ANKS1B: variants seen among roughly 807,000 people sequenced by gnomAD.
The protein encoded by ANKS1B is ankyrin repeat and sterile alpha motif domain-containing protein 1B.
In ANKS1B, 36 loss-of-function variants were observed where a neutral mutation model predicts 148.3. That is an observed-to-expected ratio of 0.24 (90% CI 0.19 to 0.32). ANKS1B has a LOEUF of 0.32. Ranked by LOEUF, ANKS1B falls within the 10% of genes least tolerant of loss-of-function variation. ANKS1B has a pLI of 1.00. For missense variants in ANKS1B, 1,157 were observed against 1,542.6 expected, an observed-to-expected ratio of 0.75 and a Z score of 4.19; for synonymous variants, 542 against 560.8, an observed-to-expected ratio of 0.97 and a Z score of 0.47.
intron 14 of ANKS1B, among the ~76,000 whole-genome samples, chr12:99,177,534 T>C (rs769023567): frequency 2.5e-4 from 38 of 152,218 alleles, no homozygotes; most frequent in African/African-American, 7.2e-4. Flanking sequence ...AATAACAGAA[T>C]GGTAAGAAAT....
intron 8 of ANKS1B, among the ~76,000 whole-genome samples, chr12:99,742,451 G>A (rs2060209540): frequency 6.6e-6 from 1 of 151,964 alleles, no homozygotes; most frequent in South Asian, 2.1e-4. Context: ...ACAAAGACTG[G>A]TATGGAAGAT....
rs558002613 is a variant in ANKS1B, at chr12:98,829,526, G to GT, written c.2887-174dup. 2.9e-4 allele frequency among the ~76,000 whole-genome samples: 44 copies of GT among 152,208 alleles called. No homozygotes were observed. In the South Asian group the frequency reaches 7.5e-3, roughly 26 times the overall value. ...ATTAATGGCATGATCTAGTCAATAC[G>GT]TTTTTCCCCTAAGTATTTCAGGTCA... is the stretch of plus-strand genomic sequence containing the variant. On this transcript the variant is annotated intron_variant, in intron 18 of 26. Coordinates refer to ENST00000683438, the MANE Select transcript of ANKS1B (RefSeq NM_001352186.2). The surrounding 1 kb of genome is among the most constrained non-coding windows in gnomAD (Gnocchi z 5.2).
At chr12:99,330,318 C>T (rs2087257071) in intron 12 of ANKS1B, among the ~76,000 whole-genome samples, 1 of 151,926 alleles carries the variant, frequency 6.6e-6, no homozygotes, top group Non-Finnish European at 1.5e-5. Flanking sequence ...TCCAGCTACA[C>T]TTACTTAATG....
chr12:99,255,866 G>T (rs2075198487), intron 12 of ANKS1B, among the ~76,000 whole-genome samples: 1 of 152,132 alleles, frequency 6.6e-6, no homozygotes, highest in Non-Finnish European at 1.5e-5. Flanking sequence ...CTTGCTTATA[G>T]TCAAGATCAC....
intron 9 of ANKS1B, among the ~76,000 whole-genome samples, chr12:99,519,125 G>A (rs1291661346): frequency 6.6e-6 from 1 of 152,004 alleles, no homozygotes; most frequent in Non-Finnish European, 1.5e-5. Context: ...TTTCAAATTT[G>A]TTTTGTGAGC....
At chr12:99,711,354 G>A (rs2056609612) in intron 8 of ANKS1B, among the ~76,000 whole-genome samples, 1 of 152,022 alleles carries the variant, frequency 6.6e-6, no homozygotes, top group African/African-American at 2.4e-5. Flanking sequence ...TTTGTGTGAT[G>A]TGGGTTTATT....
rs192172215 is a variant in ANKS1B, at chr12:98,979,156, T to G, written c.2778+74001A>C. ...GACTCTGTCTCAAAAAAAAGAAATT[T>G]TTTTTTAAATGAGAAAAAGTATTTT... On this transcript the variant is annotated intron_variant, in intron 17 of 26. Coordinates refer to ENST00000683438, the MANE Select transcript of ANKS1B (RefSeq NM_001352186.2). Among the ~76,000 whole-genome samples, 421 of 151,636 alleles carry G rather than the reference T, an allele frequency of 2.8e-3. 1 individual carries two copies. Among genetic ancestry groups the G allele is most frequent in the African/African-American group, 9.7e-3 (402 of 41,332 alleles).
At chr12:99,055,656 T>A (rs931937050) in intron 16 of ANKS1B, among the ~76,000 whole-genome samples, 14 of 148,930 alleles carry the variant, frequency 9.4e-5, no homozygotes, top group African/African-American at 3.2e-4. Context: ...CCCTTTCTTG[T>A]CCCAATGCCA....
intron 12 of ANKS1B, among the ~76,000 whole-genome samples, chr12:99,297,744 C>T (rs1248499128): frequency 6.6e-6 from 1 of 152,120 alleles, no homozygotes; most frequent in Non-Finnish European, 1.5e-5. Context: ...AAGTGACTCA[C>T]AGGCAACTCC....
chr12:99,539,203 G>T (rs964204399), intron 9 of ANKS1B, among the ~76,000 whole-genome samples: 1 of 152,066 alleles, frequency 6.6e-6, no homozygotes. Flanking sequence ...GTGGGTAAAG[G>T]TAAATATAAG....
chr12:99,393,207 G>A (rs938869374), intron 12 of ANKS1B, among the ~76,000 whole-genome samples: 15 of 152,082 alleles, frequency 9.9e-5, no homozygotes, highest in African/African-American at 2.2e-4. Flanking sequence ...ACTGTTACCC[G>A]AGGAAAGAAG....
intron 17 of ANKS1B, among the ~76,000 whole-genome samples, chr12:98,852,808 T>G (rs1567171200): frequency 1.3e-5 from 2 of 152,176 alleles, no homozygotes; most frequent in East Asian, 3.9e-4. Context: ...GAATATGATA[T>G]ATTCCATATT....
At chr12:99,858,672 T>C (rs934049163) in intron 1 of ANKS1B, among the ~76,000 whole-genome samples, 1 of 152,128 alleles carries the variant, frequency 6.6e-6, no homozygotes, top group Non-Finnish European at 1.5e-5. Context: ...GGTAAATATA[T>C]ATACCACGGA....
At chr12:99,381,504 G>C (rs1280040571) in intron 12 of ANKS1B, among the ~76,000 whole-genome samples, 1 of 152,210 alleles carries the variant, frequency 6.6e-6, no homozygotes, top group East Asian at 1.9e-4. Context: ...CACAAAGGGA[G>C]ACTGGAGAGG....
At chr12:99,395,790 T>C (rs1409533178) in intron 12 of ANKS1B, among the ~76,000 whole-genome samples, 2 of 152,206 alleles carry the variant, frequency 1.3e-5, no homozygotes, top group Non-Finnish European at 2.9e-5. Context: ...AATTCATTGG[T>C]TCACTTAAAA....
At chr12:99,548,795 C>G (rs1039814983) in intron 9 of ANKS1B, among the ~76,000 whole-genome samples, 1 of 152,038 alleles carries the variant, frequency 6.6e-6, no homozygotes, top group Admixed American at 6.6e-5. Context: ...ATTATTAGCT[C>G]CTATATATCT....
At chr12:98,915,637 G>A (rs2099793323) in intron 17 of ANKS1B, among the ~76,000 whole-genome samples, 1 of 152,178 alleles carries the variant, frequency 6.6e-6, no homozygotes, top group African/African-American at 2.4e-5. Flanking sequence ...ACAGGCATGA[G>A]CCATCGTGCC....
chr12:99,024,522 T>G (rs911394676), intron 17 of ANKS1B, among the ~76,000 whole-genome samples: 1 of 152,206 alleles, frequency 6.6e-6, no homozygotes, highest in Non-Finnish European at 1.5e-5. Context: ...TCCTAGGAAT[T>G]AGATTGATTG....
chr12:99,027,711 G>A (rs2099949599), intron 17 of ANKS1B, among the ~76,000 whole-genome samples: 1 of 152,248 alleles, frequency 6.6e-6, no homozygotes, highest in African/African-American at 2.4e-5. Flanking sequence ...CATGCCATCA[G>A]ACAGGCTTGT....
Sources: gnomAD v4.1 joint callset for allele counts (sites outside exome capture counted in the v4.1 genomes callset) on GRCh38, gnomAD v4.1.1 for gene constraint, Gnocchi (gnomAD v3.1) non-coding constraint, MANE v1.5 for transcripts, NCBI Gene and HGNC (gene_info 2026-07-23, HGNC 2026-07-21) for gene names.